CCDC9: variants seen among roughly 807,000 people sequenced by gnomAD.
CCDC9 encodes coiled-coil domain containing 9, also known as coiled-coil domain-containing protein 9.
In CCDC9, 52 loss-of-function variants were observed where a neutral mutation model predicts 65.6. The observed-to-expected ratio is 0.79, with a 90% confidence interval of 0.63 to 1.00. The LOEUF (loss-of-function observed/expected upper bound fraction) is 1.00. Among genes scored for constraint, CCDC9 ranks in the 50% least tolerant of loss-of-function variants. The pLI, the probability that CCDC9 is intolerant of heterozygous loss-of-function variation, is 0.00. For missense variants in CCDC9, 834 were observed against 757.2 expected (o/e 1.10, Z -1.19); for synonymous variants, 332 against 280.3 (o/e 1.18, Z -1.84).
intron 8 of CCDC9, among the ~76,000 whole-genome samples, chr19:47,268,514 C>CT (rs2059096537): frequency 6.6e-6 from 1 of 152,112 alleles, no homozygotes; most frequent in African/African-American, 2.4e-5. Flanking sequence ...GCTGATCTTC[C>CT]TAAGGAGGAG....
At chr19:47,265,849 G>A (rs1415678623) in intron 7 of CCDC9, among the ~76,000 whole-genome samples, 1 of 150,968 alleles carries the variant, frequency 6.6e-6, no homozygotes, top group Non-Finnish European at 1.5e-5. Context: ...ACCATGCCCA[G>A]CTAATTTTTT....
At chr19:47,273,966 G>T (rs1470438456), downstream of CCDC9, 1 of 984,688 alleles carries the variant, frequency 1.0e-6, no homozygotes, top group Non-Finnish European at 1.2e-6. Context: ...CCTCCCGCAG[G>T]CCTCCCCGAA....
chr19:47,273,953 C>T (rs908948289), downstream of CCDC9: 6 of 983,290 alleles, frequency 6.1e-6, no homozygotes, highest in Middle Eastern at 5.2e-4. Flanking sequence ...GTCTTCCCTC[C>T]CCCCTCCCGC....
chr19:47,269,035 C>T (rs1236929530), intron 8 of CCDC9, among the ~76,000 whole-genome samples: 1 of 152,046 alleles, frequency 6.6e-6, no homozygotes, highest in Non-Finnish European at 1.5e-5. Flanking sequence ...TGCTTGAACC[C>T]AGGAGGTTTG....
At chr19:47,264,341 C>G (rs2059065955) in intron 5 of CCDC9, among the ~76,000 whole-genome samples, 1 of 152,198 alleles carries the variant, frequency 6.6e-6, no homozygotes, top group African/African-American at 2.4e-5. Context: ...ACGCAGGCCC[C>G]TTCTGTCTAG....
In CCDC9 at chr19:47,270,430, C is replaced by T. The variant is rs147165767; in HGVS notation, c.926C>T (p.Ala309Val). The change falls in exon 9 of 12, where the codon GCC (alanine) becomes GTC (valine). Residue 309 changes from alanine to valine, a missense_variant. Ala to Val is a moderately conservative substitution (Grantham distance 64). Coordinates refer to ENST00000221922, the MANE Select transcript of CCDC9 (RefSeq NM_015603.3). Reference protein sequence around the residue: ...DGMFKDGPVPAHEPSHRYDDQ... With the variant: ...DGMFKDGPVPVHEPSHRYDDQ... The stretch of plus-strand genomic sequence containing the variant: ...AGGTTCAAGGATGGCCCAGTCCCTG[C>T]CCATGAACCATCCCACCGCTATGGT... 8.5e-4 allele frequency: 1,372 copies of T among 1,614,188 alleles called. 1 individual carries two copies. Among genetic ancestry groups the T allele is most frequent in the Non-Finnish European group, 1.1e-3 (1,303 of 1,180,018 alleles).
downstream of CCDC9, chr19:47,275,435 C>A (rs571857164): frequency 1.4e-6 from 2 of 1,443,054 alleles, no homozygotes; most frequent in African/African-American, 3.0e-5. Flanking sequence ...ATTGGTCCGG[C>A]CTTCTTCCTA....
At chr19:47,274,316 C>G (rs114657414), downstream of CCDC9, 1 of 57,622 alleles carries the variant, frequency 1.7e-5, no homozygotes, top group African/African-American at 5.8e-5. Context: ...GAGCGGGGGG[C>G]GGGGTCAGCG....
intron 5 of CCDC9, among the ~76,000 whole-genome samples, chr19:47,261,042 C>T (rs1430135878): frequency 6.6e-6 from 1 of 152,018 alleles, no homozygotes; most frequent in East Asian, 1.9e-4. Flanking sequence ...CCTGTTCCTT[C>T]CCTCTCACGC....
intron 3 of CCDC9, among the ~76,000 whole-genome samples, chr19:47,259,388 T>C (rs1194600352): frequency 1.3e-5 from 2 of 152,022 alleles, no homozygotes; most frequent in African/African-American, 4.8e-5. Flanking sequence ...CTCTGGGTGC[T>C]GTGCGGTGGT....
At chr19:47,263,210 T>C (rs546887240) in intron 5 of CCDC9, among the ~76,000 whole-genome samples, 3 of 152,254 alleles carry the variant, frequency 2.0e-5, no homozygotes, top group East Asian at 1.9e-4. Context: ...ATTACTGTTA[T>C]TACCACCACT....
intron 5 of CCDC9, among the ~76,000 whole-genome samples, chr19:47,261,280 C>T (rs1413472708): frequency 6.6e-6 from 1 of 152,122 alleles, no homozygotes; most frequent in Admixed American, 6.6e-5. Context: ...TGGGCTCTCT[C>T]TATCTGGTGT....
intron 1 of CCDC9, among the ~76,000 whole-genome samples, chr19:47,257,220 G>A (rs2059016159): frequency 6.6e-6 from 1 of 151,746 alleles, no homozygotes; most frequent in Non-Finnish European, 1.5e-5. Flanking sequence ...AGGTGTGGGA[G>A]GGAGTCAGGG....
chr19:47,274,926 G>A (rs1405393886), downstream of CCDC9: 22 of 1,326,380 alleles, frequency 1.7e-5, no homozygotes, highest in Admixed American at 4.2e-5. Context: ...GGGGATGCGG[G>A]GGACCAGCTG....
At chr19:47,270,723 A>C in intron 10 of CCDC9, 35 bp downstream of exon 10, 1 of 1,583,558 alleles carries the variant, frequency 6.3e-7, no homozygotes, top group Non-Finnish European at 8.6e-7. Context: ...GCATACCCCC[A>C]GGGCTCTCCG....
chr19:47,270,804 CCTGT>C (rs1283051246), intron 10 of CCDC9, 116 bp downstream of exon 10: 2 of 1,243,640 alleles, frequency 1.6e-6, no homozygotes, highest in South Asian at 1.5e-5. Flanking sequence ...TTGTCTTGGC[CCTGT>C]CTATCTCGCA....
chr19:47,263,007 TTGGGAGGCTGAGCC>T (rs1287748224), intron 5 of CCDC9, among the ~76,000 whole-genome samples: 1 of 151,574 alleles, frequency 6.6e-6, no homozygotes, highest in Non-Finnish European at 1.5e-5. Context: ...GCAGGATCAC[TTGGGAGGCTGAGCC>T]TGGGAGGTCA....
At chr19:47,267,119 C>T (rs1600286352) in intron 8 of CCDC9, among the ~76,000 whole-genome samples, 1 of 151,876 alleles carries the variant, frequency 6.6e-6, no homozygotes, top group East Asian at 2.0e-4. Flanking sequence ...CGTCCGCCAC[C>T]ACGTCCAACT....
chr19:47,265,748 C>T (rs1056870735), intron 7 of CCDC9, among the ~76,000 whole-genome samples: 7 of 149,130 alleles, frequency 4.7e-5, no homozygotes, highest in South Asian at 2.1e-4. Context: ...AGTGCAGTGG[C>T]GTGATCTTGG....
Sources: allele counts gnomAD v4.1 joint callset (sites outside exome capture counted in the v4.1 genomes callset), GRCh38; gene constraint gnomAD v4.1.1; transcripts MANE v1.5; gene names NCBI Gene and HGNC (gene_info 2026-07-23, HGNC 2026-07-21).